CFAP57: variants seen among roughly 807,000 people sequenced by gnomAD.
The protein encoded by CFAP57 is cilia and flagella associated protein 57, also known as cilia- and flagella-associated protein 57.
CFAP57 carries 116 observed loss-of-function variants against 146.8 expected under a neutral mutation model. The ratio of observed to expected loss-of-function variants is 0.79; its 90% CI spans 0.68 to 0.92. CFAP57 has a LOEUF of 0.92. Among genes scored for constraint, CFAP57 ranks in the 40% least tolerant of loss-of-function variants. The pLI is 0.00. For synonymous variants in CFAP57, 518 were observed against 552.8 expected (o/e 0.94, Z 0.88); for missense variants, 1,377 against 1,527.2 (o/e 0.90, Z 1.64).
rs748025815 is a variant in CFAP57, at chr1:43,172,917, C to T, written c.157+7C>T. 7 of 1,612,898 alleles carry T rather than the reference C, an allele frequency of 4.3e-6. No homozygotes were observed. Among genetic ancestry groups the T allele is most frequent in the Non-Finnish European group, 5.9e-6 (7 of 1,179,058 alleles). On this transcript the variant is annotated splice_region_variant and intron_variant, in intron 2 of 22. Coordinates refer to ENST00000372492, the MANE Select transcript of CFAP57 (RefSeq NM_001378189.1). ...TGGCAAAAATTCATTCCAGGTAAAA[C>T]TTTTTCCATCCTGACATATACAGGA...
intron 11 of CFAP57, among the ~76,000 whole-genome samples, chr1:43,212,425 G>C (rs184725513): frequency 6.6e-6 from 1 of 152,124 alleles, no homozygotes; most frequent in Non-Finnish European, 1.5e-5. Flanking sequence ...TTGATACGTA[G>C]TATTTGTACA....
At position 43,199,244 on chromosome 1, in the gene CFAP57, C is replaced by G. The variant is rs1644004130; in HGVS notation, c.1429-146C>G. ...AAGTGTCTGAAAATGTCAGCCACTC[C>G]TCAGTCTCATTTGCACCTTCCCCCC... On this transcript the variant is annotated intron_variant, in intron 8 of 22. Transcript: ENST00000372492. 8.9e-6 allele frequency: 7 copies of G among 784,918 alleles called. No individual in the cohort carries two copies. The Admixed American group carries it at 1.1e-4, about 12-fold the overall frequency. 48.6% of individuals were successfully genotyped at this position (784,918 alleles called of 1,614,324 possible).
At chr1:43,234,940 C>A (rs934041041) in intron 21 of CFAP57, among the ~76,000 whole-genome samples, 2 of 152,072 alleles carry the variant, frequency 1.3e-5, no homozygotes, top group African/African-American at 2.4e-5. Flanking sequence ...CATCTTTATC[C>A]AGAGCACACC....
At chr1:43,206,627 T>C (rs1644368405) in intron 9 of CFAP57, 93 bp from the exon 10 acceptor site, 1 of 1,280,180 alleles carries the variant, frequency 7.8e-7, no homozygotes, top group African/African-American at 1.5e-5. Context: ...TTCTGCTCAG[T>C]CTAGTGGAGC....
intron 3 of CFAP57, among the ~76,000 whole-genome samples, chr1:43,182,301 G>C (rs932275351): frequency 6.6e-6 from 1 of 152,190 alleles, no homozygotes; most frequent in African/African-American, 2.4e-5. Context: ...GTTATGTAAG[G>C]AACAGAACCT....
At chr1:43,215,174 G>T (rs1644785784) in intron 11 of CFAP57, 81 bp from the exon 12 acceptor site, 3 of 1,507,840 alleles carry the variant, frequency 2.0e-6, no homozygotes, top group Non-Finnish European at 2.7e-6. Flanking sequence ...TGCATGGGGG[G>T]AAGCCTTGCG....
intron 17 of CFAP57, among the ~76,000 whole-genome samples, chr1:43,224,441 G>A (rs1018945802): frequency 2.0e-5 from 3 of 152,334 alleles, no homozygotes; most frequent in Middle Eastern, 3.4e-3. Context: ...GTTATGGTTC[G>A]GGAAGCTGAA....
In CFAP57 at chr1:43,231,718, A is replaced by AG. The variant is rs373943745; in HGVS notation, c.3010-790_3010-789insG. Among the ~76,000 whole-genome samples the AG allele has an allele frequency of 4.9e-5, 7 of 144,268 alleles. 1 individual carries two copies. The highest frequency in any genetic ancestry group is 7.6e-5 in the Non-Finnish European group (5 of 66,112). 94.6% of individuals were successfully genotyped at this position (144,268 alleles called of 152,430 possible). A position where few individuals can be genotyped will look rare whatever the true frequency, so the allele number is the denominator to read the frequency against. ...AAAATACAAAAAAAAAAAAAAAAAA[A>AG]TTAGTTGGGCATGGTGGCAATTGCC... On this transcript the variant is annotated intron_variant, in intron 18 of 22. Coordinates refer to ENST00000372492, the MANE Select transcript of CFAP57 (RefSeq NM_001378189.1).
At chr1:43,230,394 C>G (rs1057143971) in intron 18 of CFAP57, among the ~76,000 whole-genome samples, 1 of 152,206 alleles carries the variant, frequency 6.6e-6, no homozygotes, top group African/African-American at 2.4e-5. Context: ...GCATCAGGCC[C>G]TCTAAGATGC....
In CFAP57 at chr1:43,224,076, C is replaced by G. The variant is rs190140571; in HGVS notation, c.2737C>G (p.Arg913Gly). 11 of 1,550,478 alleles carry G rather than the reference C, an allele frequency of 7.1e-6. No homozygotes were observed. The highest frequency in any genetic ancestry group is 9.6e-6 in the Non-Finnish European group (11 of 1,146,968). Reference protein sequence around the residue: ...FSSLQKEIEERTNDIETLKGE... With the variant: ...FSSLQKEIEEGTNDIETLKGE... Reference sequence around the variant, plus strand: ...CAGCCTACAGAAGGAGATTGAAGAACGAACCAATGACATCGAGACCCTAAA... The same window carrying G: ...CAGCCTACAGAAGGAGATTGAAGAAGGAACCAATGACATCGAGACCCTAAA... The change falls in exon 17 of 23, where the codon CGA becomes GGA. Residue 913 changes from arginine (R) to glycine (G), a missense_variant. By Grantham distance (125) the Arg-to-Gly change is moderately radical (BLOSUM62 -2). Transcript: ENST00000372492.
intron 22 of CFAP57, among the ~76,000 whole-genome samples, chr1:43,245,068 G>C (rs1228387292): frequency 6.6e-6 from 1 of 152,172 alleles, no homozygotes; most frequent in Non-Finnish European, 1.5e-5. Context: ...CCAGCACTTT[G>C]GGAGGCCAAG....
At chr1:43,202,637 G>T (rs1644176650) in intron 9 of CFAP57, among the ~76,000 whole-genome samples, 1 of 151,882 alleles carries the variant, frequency 6.6e-6, no homozygotes, top group African/African-American at 2.4e-5. Flanking sequence ...ACAAAAATCA[G>T]CCGGGTGTGG....
In CFAP57 at chr1:43,186,724, G is replaced by A; in HGVS notation, c.987G>A (p.Gln329=). ...TTGGGCAGATTCCTGTGGACCCGCA[G>A]AGCAATGATCCAAGTCAGTCTGACA... is the stretch of plus-strand genomic sequence containing the variant. ...SREIRIPVDP[Q]SNDPSQSDKQ... is the part of the protein sequence containing the mutation. Residue 329 remains glutamine (Q), a synonymous_variant, in exon 6 of 23, where the codon CAG becomes CAA. Transcript: ENST00000372492. 2 of 1,613,876 alleles carry A rather than the reference G, an allele frequency of 1.2e-6. No individual in the cohort carries two copies. The highest frequency in any genetic ancestry group is 1.7e-6 in the Non-Finnish European group (2 of 1,179,924).
intron 3 of CFAP57, among the ~76,000 whole-genome samples, chr1:43,183,189 G>T (rs555367551): frequency 6.6e-6 from 1 of 152,286 alleles, no homozygotes; most frequent in African/African-American, 2.4e-5. Flanking sequence ...TGTGATTGAA[G>T]GATGTTCAGT....
intron 16 of CFAP57, 39 bp downstream of exon 16, chr1:43,223,036 G>A (rs1281465566): frequency 2.6e-6 from 4 of 1,518,696 alleles, no homozygotes; most frequent in Non-Finnish European, 3.5e-6. Context: ...GGTGGGCGAG[G>A]GTGTTGCAGA....
intron 2 of CFAP57, among the ~76,000 whole-genome samples, chr1:43,174,007 AATG>A (rs1160335740): frequency 6.6e-6 from 1 of 152,222 alleles, no homozygotes; most frequent in African/African-American, 2.4e-5. Flanking sequence ...TGCTATCATT[AATG>A]ATGATGAGTA....
At chr1:43,179,130 T>G (rs1189995593) in intron 2 of CFAP57, among the ~76,000 whole-genome samples, 3 of 151,944 alleles carry the variant, frequency 2.0e-5, no homozygotes, top group African/African-American at 7.3e-5. Flanking sequence ...CACCGGGGCC[T>G]GTTGTGGGGT....
chr1:43,197,809 A>G, intron 7 of CFAP57, 117 bp downstream of exon 7: 1 of 1,433,864 alleles, frequency 7.0e-7, no homozygotes, highest in Non-Finnish European at 9.6e-7. Context: ...CAGTTGGAAA[A>G]GATTTTTAAA....
At chr1:43,174,271 T>G (rs1645086667) in intron 2 of CFAP57, among the ~76,000 whole-genome samples, 1 of 152,244 alleles carries the variant, frequency 6.6e-6, no homozygotes, top group African/African-American at 2.4e-5. Context: ...TTAGTTTTAA[T>G]AAAGTCAAAT....
Sources: gnomAD v4.1 joint callset for allele counts (sites outside exome capture counted in the v4.1 genomes callset) on GRCh38, gnomAD v4.1.1 for gene constraint, MANE v1.5 for transcripts, NCBI Gene and HGNC (gene_info 2026-07-23, HGNC 2026-07-21) for gene names.